The following DPYSL2 variants were observed in gnomAD, a reference collection of about 807,000 sequenced individuals.
The protein encoded by DPYSL2 is dihydropyrimidinase like 2.
Under a neutral mutation model 69.9 loss-of-function variants are expected in DPYSL2, and 13 were observed. That is an observed-to-expected ratio of 0.19 (90% CI 0.12 to 0.30). The LOEUF is 0.30. Among genes scored for constraint, DPYSL2 ranks in the 10% least tolerant of loss-of-function variants. The pLI is 1.00. For missense variants in DPYSL2, 587 were observed against 918.9 expected, an observed-to-expected ratio of 0.64 and a Z score of 4.67; for synonymous variants, 326 against 359.1, an observed-to-expected ratio of 0.91 and a Z score of 1.04.
rs971412284 is a variant in DPYSL2 at position 26,657,302 on chromosome 8, C to T, written c.*1596C>T. 7 of 152,744 alleles carry T rather than the reference C, an allele frequency of 4.6e-5. No individual in the cohort carries two copies. The highest frequency in any genetic ancestry group is 1.3e-4 in the Admixed American group (2 of 15,284). 9.5% of individuals were successfully genotyped at this position (152,744 alleles called of 1,614,324 possible). A position where few individuals can be genotyped will look rare whatever the true frequency, so the allele number is the denominator to read the frequency against. On this transcript the variant is annotated 3_prime_UTR_variant, in exon 14 of 14. Transcript: ENST00000521913. ...ATCCTTCCCTCTCCTTTTCTGTCAC[C>T]TTTCCCCCTAGCTGGCTCCTTTGGA...
intron 3 of DPYSL2, among the ~76,000 whole-genome samples, chr8:26,616,990 G>C (rs1055906454): frequency 7.2e-5 from 11 of 152,204 alleles, no homozygotes; most frequent in Admixed American, 3.3e-4. Context: ...CTTACAGACT[G>C]TGGTACCTGC....
Position 26,514,319 on chromosome 8 carries a change from C to T in DPYSL2, c.-7C>T, listed in dbSNP as rs895531117. 2.1e-6 allele frequency: 3 copies of T among 1,446,242 alleles called. No individual in the cohort carries two copies. Among genetic ancestry groups the T allele is most frequent in the Non-Finnish European group, 2.7e-6 (3 of 1,101,540 alleles). 89.6% of individuals were successfully genotyped at this position (1,446,242 alleles called of 1,614,324 possible). A position where few individuals can be genotyped will look rare whatever the true frequency, so the allele number is the denominator to read the frequency against. On this transcript the variant is annotated 5_prime_UTR_variant, in exon 1 of 14. Coordinates refer to ENST00000521913, the MANE Select transcript of DPYSL2 (RefSeq NM_001197293.3). The surrounding 1 kb of genome is among the most constrained non-coding windows in gnomAD (Gnocchi z 8.4). ...GACGGCGAGGACCCTACCCGAGCCC[C>T]CGAGCCATGGCCGAGAGAAAGCAAT...
chr8:26,653,554 T>C lies in DPYSL2; in HGVS notation c.1942+157T>C, dbSNP rs1190544471. On this transcript the variant is annotated intron_variant, in intron 13 of 13. Coordinates refer to ENST00000521913, the MANE Select transcript of DPYSL2 (RefSeq NM_001197293.3). The surrounding 1 kb of genome is among the most constrained non-coding windows in gnomAD (Gnocchi z 5.7). ...TACAGTGGACTCAGATCTCTGGAGA[T>C]GTATTTTCTTTTTCTTTTTTTTGAG... Among the ~76,000 whole-genome samples the C allele has an allele frequency of 1.3e-5, 2 of 152,158 alleles. No homozygotes were observed. Among genetic ancestry groups the C allele is most frequent in the Non-Finnish European group, 2.9e-5 (2 of 68,028 alleles).
At position 26,653,680 on chromosome 8, in the gene DPYSL2, C is replaced by T. The variant is rs1803324545; in HGVS notation, c.1942+283C>T. Among the ~76,000 whole-genome samples the T allele has an allele frequency of 6.6e-6, 1 of 152,134 alleles. No individual in the cohort carries two copies. Among genetic ancestry groups the T allele is most frequent in the Admixed American group, 6.5e-5 (1 of 15,274 alleles). On this transcript the variant is annotated intron_variant, in intron 13 of 13. Transcript: ENST00000521913. This position sits in a 1 kb window ranked among gnomAD's most constrained non-coding sequence, Gnocchi z 5.7. ...TCAAGTGATTCTCATGTCTCAGCCTCCCAAGTAGCTGGGATTACAGGCATG... is the reference window on the plus strand; with the variant it reads ...TCAAGTGATTCTCATGTCTCAGCCTTCCAAGTAGCTGGGATTACAGGCATG...
At chr8:26,577,119 C>T (rs1164381702) in intron 1 of DPYSL2, 1 of 443,330 alleles carries the variant, frequency 2.3e-6, no homozygotes, top group Non-Finnish European at 4.5e-6. Context: ...CCGGATGCCT[C>T]CTTCCCGGCT....
At position 26,514,256 on chromosome 8, in the gene DPYSL2, C is replaced by G; in HGVS notation, c.-70C>G. 1 of 1,336,006 alleles carries G rather than the reference C, an allele frequency of 7.5e-7. No homozygotes were observed. The highest frequency in any genetic ancestry group is 9.8e-7 in the Non-Finnish European group (1 of 1,020,686). 82.8% of individuals were successfully genotyped at this position (1,336,006 alleles called of 1,614,324 possible). On this transcript the variant is annotated 5_prime_UTR_variant, in exon 1 of 14. Coordinates refer to ENST00000521913, the MANE Select transcript of DPYSL2 (RefSeq NM_001197293.3). This position sits in a 1 kb window ranked among gnomAD's most constrained non-coding sequence, Gnocchi z 8.4. ...GCAGCAGCTAGGGGGCTTGTGCACA[C>G]AGCGAGGGAGACTTAGGGACTGGCA...
At chr8:26,615,360 G>T (rs117572051) in intron 3 of DPYSL2, among the ~76,000 whole-genome samples, 2 of 152,266 alleles carry the variant, frequency 1.3e-5, no homozygotes, top group East Asian at 3.9e-4. Context: ...TTTCACTGGC[G>T]TGTGCTAACC....
chr8:26,515,993 A>G (rs1808280692), intron 1 of DPYSL2, among the ~76,000 whole-genome samples: 1 of 152,196 alleles, frequency 6.6e-6, no homozygotes, highest in Non-Finnish European at 1.5e-5. Flanking sequence ...AGAATTGGTG[A>G]TGATGGTTGG....
At chr8:26,545,031 AG>A (rs1358896839) in intron 1 of DPYSL2, among the ~76,000 whole-genome samples, 1 of 152,240 alleles carries the variant, frequency 6.6e-6, no homozygotes, top group Non-Finnish European at 1.5e-5. Context: ...GACAGATCTG[AG>A]GACAGGAATT....
intron 3 of DPYSL2, among the ~76,000 whole-genome samples, chr8:26,623,132 A>G (rs1015923493): frequency 6.6e-6 from 1 of 152,210 alleles, no homozygotes. Context: ...GAGAGATAAT[A>G]GCAGGTGCAA....
Position 26,654,870 on chromosome 8 carries a change from T to A in DPYSL2, c.1943-745T>A, listed in dbSNP as rs1181962952. 6.6e-6 allele frequency among the ~76,000 whole-genome samples: 1 copy of A among 152,188 alleles called. No homozygotes were observed. Among genetic ancestry groups the A allele is most frequent in the African/African-American group, 2.4e-5 (1 of 41,458 alleles). On this transcript the variant is annotated intron_variant, in intron 13 of 13. Transcript: ENST00000521913. The surrounding 1 kb of genome is among the most constrained non-coding windows in gnomAD (Gnocchi z 5.0). ...TTAGAGATATAATAGTATCTCACTG[T>A]GTCACCCAGTACCCAGGCTAGAGTG...
chr8:26,561,702 T>A (rs2129663211), intron 1 of DPYSL2, among the ~76,000 whole-genome samples: 1 of 152,302 alleles, frequency 6.6e-6, no homozygotes, highest in South Asian at 2.1e-4. Flanking sequence ...GGGATGAAAC[T>A]GTCCCACCTC....
intron 7 of DPYSL2, among the ~76,000 whole-genome samples, chr8:26,632,781 G>A (rs1270503698): frequency 1.3e-5 from 2 of 152,238 alleles, no homozygotes; most frequent in African/African-American, 4.8e-5. Context: ...CCCGCCTGGT[G>A]CTGCCGGGCC....
At position 26,653,130 on chromosome 8, in the gene DPYSL2, C is replaced by A; in HGVS notation, c.1777-102C>A. The stretch of plus-strand genomic sequence containing the variant: ...TCCACCTGTCTGTAAGGAGAGCCCT[C>A]CATCCCTAGATCTCACAGGCCCATC... On this transcript the variant is annotated intron_variant, in intron 12 of 13. Coordinates refer to ENST00000521913, the MANE Select transcript of DPYSL2 (RefSeq NM_001197293.3). This position sits in a 1 kb window ranked among gnomAD's most constrained non-coding sequence, Gnocchi z 5.7. 7.2e-7 allele frequency: 1 copy of A among 1,398,486 alleles called. No individual in the cohort carries two copies. 86.6% of individuals were successfully genotyped at this position (1,398,486 alleles called of 1,614,324 possible).
intron 1 of DPYSL2, among the ~76,000 whole-genome samples, chr8:26,521,713 C>CA (rs1808388059): frequency 2.0e-5 from 3 of 151,270 alleles, no homozygotes; most frequent in Admixed American, 2.0e-4. Context: ...CTGCATTCTG[C>CA]TTTTTTTTTC....
intron 1 of DPYSL2, among the ~76,000 whole-genome samples, chr8:26,521,981 T>C (rs916237674): frequency 6.6e-6 from 1 of 152,240 alleles, no homozygotes; most frequent in African/African-American, 2.4e-5. Context: ...ATAATACTGC[T>C]ATTAACATTT....
At position 26,614,895 on chromosome 8, in the gene DPYSL2, A is replaced by G. The variant is rs1334834796; in HGVS notation, c.629-9248A>G. ...GGGTCACTTGCTTTAGTTATAATAT[A>G]TGAAGGGATAAGACTGAATTTCACT... On this transcript the variant is annotated intron_variant, in intron 3 of 13. Transcript: ENST00000521913. This position sits in a 1 kb window ranked among gnomAD's most constrained non-coding sequence, Gnocchi z 4.9. Among the ~76,000 whole-genome samples, 1 of 152,198 alleles carries G rather than the reference A, an allele frequency of 6.6e-6. No homozygotes were observed. Among genetic ancestry groups the G allele is most frequent in the East Asian group, 1.9e-4 (1 of 5,194 alleles).
chr8:26,515,303 G>A (rs1808261486), intron 1 of DPYSL2, among the ~76,000 whole-genome samples: 1 of 152,214 alleles, frequency 6.6e-6, no homozygotes, highest in Non-Finnish European at 1.5e-5. Flanking sequence ...GTCACCCGAG[G>A]AAACCGAGAC....
rs115603884 is a variant in DPYSL2 at position 26,621,548 on chromosome 8, G to A, written c.629-2595G>A. ...CATTTGGCTCTTCCCTGATCTAGGC[G>A]TTCAGTACCTGCTCAGAGGGAGTTT... On this transcript the variant is annotated intron_variant, in intron 3 of 13. Coordinates refer to ENST00000521913, the MANE Select transcript of DPYSL2 (RefSeq NM_001197293.3). This position sits in a 1 kb window ranked among gnomAD's most constrained non-coding sequence, Gnocchi z 4.9. Among the ~76,000 whole-genome samples the A allele has an allele frequency of 5.1e-4, 78 of 152,266 alleles. 1 individual carries two copies. Among genetic ancestry groups the A allele is most frequent in the African/African-American group, 1.8e-3 (76 of 41,528 alleles).
Sources: gnomAD v4.1 joint callset for allele counts (sites outside exome capture counted in the v4.1 genomes callset) on GRCh38, gnomAD v4.1.1 for gene constraint, Gnocchi (gnomAD v3.1) non-coding constraint, MANE v1.5 for transcripts, NCBI Gene and HGNC (gene_info 2026-07-23, HGNC 2026-07-21) for gene names.